Variants in ULK3 observed in about 807,000 individuals in gnomAD.
The protein encoded by ULK3 is unc-51 like kinase 3, also known as serine/threonine-protein kinase ULK3.
ULK3 carries 54 observed loss-of-function variants against 69.4 expected under a neutral mutation model. That is an observed-to-expected ratio of 0.78 (90% CI 0.63 to 0.98). ULK3 has a LOEUF of 0.98. Among genes scored for constraint, ULK3 ranks in the 50% least tolerant of loss-of-function variants. The pLI, the probability that ULK3 is intolerant of heterozygous loss-of-function variation, is 0.00. For synonymous variants in ULK3, 240 were observed against 254.5 expected (o/e 0.94, Z 0.54); for missense variants, 558 against 627.7 (o/e 0.89, Z 1.19).
In ULK3 at chr15:74,839,113, T is replaced by C. The variant is rs181173260; in HGVS notation, c.959-63A>G. On this transcript the variant is annotated intron_variant, in intron 8 of 15. Coordinates refer to ENST00000440863, the MANE Select transcript of ULK3 (RefSeq NM_001099436.4). Reference sequence around the variant, plus strand: ...CCCCTCCCTGCCCCACAACGAACCCTCTGGAATCCCTCAAAACACAATATT... The same window carrying C: ...CCCCTCCCTGCCCCACAACGAACCCCCTGGAATCCCTCAAAACACAATATT... 1.9e-6 allele frequency: 3 copies of C among 1,561,540 alleles called. No individual in the cohort carries two copies. The South Asian group carries it at 3.5e-5, about 18-fold the overall frequency.
At chr15:74,840,195 T>G in intron 6 of ULK3, 39 bp downstream of exon 6, 2 of 1,574,988 alleles carry the variant, frequency 1.3e-6, no homozygotes, top group Non-Finnish European at 1.7e-6. Context: ...CCTGACTCCC[T>G]CTGCCCCCCA....
chr15:74,842,316 A>T lies in ULK3; in HGVS notation c.207T>A (p.Ile69=). The change falls in exon 2 of 16, where the codon ATT becomes ATA. Residue 69 remains isoleucine, a synonymous_variant. Transcript: ENST00000440863. This position sits in a 1 kb window ranked among gnomAD's most constrained non-coding sequence, Gnocchi z 4.9. The part of the protein sequence containing the change: ...LLTEIEILKG[I]RHPHIVQLKD... ...TCAGCTGCACAATGTGGGGATGTCGAATGCCCTTGAGGATCTCAATCTCCG... is the reference window on the plus strand; with the variant it reads ...TCAGCTGCACAATGTGGGGATGTCGTATGCCCTTGAGGATCTCAATCTCCG... The T allele has an allele frequency of 6.2e-7, 1 of 1,613,978 alleles. No homozygotes were observed. The highest frequency in any genetic ancestry group is 8.5e-7 in the Non-Finnish European group (1 of 1,179,878).
rs770506398 is a variant in ULK3, at chr15:74,837,385, C to T, written c.1386G>A (p.Ser462=). The T allele has an allele frequency of 1.1e-5, 18 of 1,612,998 alleles. No individual in the cohort carries two copies. Among genetic ancestry groups the T allele is most frequent in the African/African-American group, 4.0e-5 (3 of 75,012 alleles). Residue 462 remains serine, a synonymous_variant, in exon 15 of 16, where the codon TCG becomes TCA. Transcript: ENST00000440863. ...AGGACTCACAGCTACGAACAGATTC[C>T]GACAGTCCCTCTTTGTCCAGGGTGT... ...EADTLDKEGL[S]ESVRSSCTLQ
At position 74,837,259 on chromosome 15, in the gene ULK3, G is replaced by A. The variant is rs772566656; in HGVS notation, c.1403-15C>T. 2 of 1,596,968 alleles carry A rather than the reference G, an allele frequency of 1.3e-6. No individual in the cohort carries two copies. The highest frequency in any genetic ancestry group is 1.7e-6 in the Non-Finnish European group (2 of 1,170,270). On this transcript the variant is annotated splice_polypyrimidine_tract_variant and intron_variant, in intron 15 of 15. Coordinates refer to ENST00000440863, the MANE Select transcript of ULK3 (RefSeq NM_001099436.4). ...AAGGGTGCAAGCTACGGGGGTGAGGGGGACAATGGGGGAGGGTCAGTCTCA... is the reference window on the plus strand; with the variant it reads ...AAGGGTGCAAGCTACGGGGGTGAGGAGGACAATGGGGGAGGGTCAGTCTCA...
Position 74,840,507 on chromosome 15 carries a change from T to A in ULK3, c.604A>T (p.Ile202Phe). 1 of 1,606,780 alleles carries A rather than the reference T, an allele frequency of 6.2e-7. No individual in the cohort carries two copies. Among genetic ancestry groups the A allele is most frequent in the Non-Finnish European group, 8.5e-7 (1 of 1,177,122 alleles). Residue 202 changes from isoleucine (I) to phenylalanine (F), a missense_variant, in exon 5 of 16, where the codon ATC (isoleucine) becomes TTC (phenylalanine). Ile to Phe is a conservative substitution (Grantham distance 21, BLOSUM62 0). Coordinates refer to ENST00000440863, the MANE Select transcript of ULK3 (RefSeq NM_001099436.4). ...ARVDLWSMGV[I>F]LYEALFGQPP... ...GGAAAAGAGGTCTCACCATACAGGA[T>A]GACCCCCATGGACCAGAGGTCCACG...
intron 9 of ULK3, 132 bp downstream of exon 9, chr15:74,838,878 G>C (rs1468383841): frequency 1.4e-6 from 2 of 1,414,646 alleles, no homozygotes; most frequent in African/African-American, 2.8e-5. Flanking sequence ...AATGTGGCTG[G>C]CCTGACCCAT....
rs1486409566 is a variant in ULK3, at chr15:74,842,575, G to T, written c.103-155C>A. On this transcript the variant is annotated intron_variant, in intron 1 of 15. Coordinates refer to ENST00000440863, the MANE Select transcript of ULK3 (RefSeq NM_001099436.4). This position sits in a 1 kb window ranked among gnomAD's most constrained non-coding sequence, Gnocchi z 4.9. Reference sequence around the variant, plus strand: ...ACCGGGCTTCCCAGCTTTCCCTTGTGAGGCCAGTGAGGAATGCTGATTCTG... The same window carrying T: ...ACCGGGCTTCCCAGCTTTCCCTTGTTAGGCCAGTGAGGAATGCTGATTCTG... 1.3e-6 allele frequency: 2 copies of T among 1,572,572 alleles called. No homozygotes were observed. The highest frequency in any genetic ancestry group is 1.3e-5 in the African/African-American group (1 of 74,206).
In ULK3 at chr15:74,842,696, C is replaced by G. The variant is rs781399477; in HGVS notation, c.103-276G>C. ...CATTCTGGAGTGCTCCCGGCAGAGG[C>G]ATGTCACTCAGGGTTCTAGAACCGC... On this transcript the variant is annotated intron_variant, in intron 1 of 15. Transcript: ENST00000440863. This position sits in a 1 kb window ranked among gnomAD's most constrained non-coding sequence, Gnocchi z 4.9. The G allele has an allele frequency of 7.8e-6, 12 of 1,533,970 alleles. No individual in the cohort carries two copies. Among genetic ancestry groups the G allele is most frequent in the Non-Finnish European group, 9.6e-6 (11 of 1,145,520 alleles).
Position 74,839,393 on chromosome 15 carries a change from G to A in ULK3, c.853-20C>T. The stretch of plus-strand genomic sequence containing the variant: ...GGCGGTCTGGGGATGGGCAGATCAG[G>A]GGTCAGGTCCACCTCCCTACCCTCC... On this transcript the variant is annotated intron_variant, in intron 7 of 15. Coordinates refer to ENST00000440863, the MANE Select transcript of ULK3 (RefSeq NM_001099436.4). 6.4e-7 allele frequency: 1 copy of A among 1,553,432 alleles called. No homozygotes were observed. The highest frequency in any genetic ancestry group is 8.7e-7 in the Non-Finnish European group (1 of 1,148,226).
In ULK3 at chr15:74,842,959, G is replaced by C; in HGVS notation, c.102+45C>G. On this transcript the variant is annotated intron_variant, in intron 1 of 15. Coordinates refer to ENST00000440863, the MANE Select transcript of ULK3 (RefSeq NM_001099436.4). This position sits in a 1 kb window ranked among gnomAD's most constrained non-coding sequence, Gnocchi z 4.9. ...CTCAGAGTCTCCCCGGCCGGCACCA[G>C]CCGAGCTAGCTCGGGCGGGCACGGG... The C allele has an allele frequency of 6.5e-7, 1 of 1,528,674 alleles. No homozygotes were observed. The highest frequency in any genetic ancestry group is 2.1e-5 in the Admixed American group (1 of 48,414). 94.7% of individuals were successfully genotyped at this position (1,528,674 alleles called of 1,614,324 possible).
chr15:74,838,855 A>G, intron 9 of ULK3, 110 bp from the exon 10 acceptor site: 1 of 1,399,870 alleles, frequency 7.1e-7, no homozygotes, highest in Non-Finnish European at 9.8e-7. Flanking sequence ...AGCTATAAAC[A>G]TGTCAGGGGG....
chr15:74,842,374 C>G lies in ULK3; in HGVS notation c.149G>C (p.Ser50Thr). 6.2e-7 allele frequency: 1 copy of G among 1,614,030 alleles called. No individual in the cohort carries two copies. The change falls in exon 2 of 16, where the codon AGT (serine) becomes ACT (threonine). Residue 50 changes from serine to threonine, a missense_variant. Transcript: ENST00000440863. The surrounding 1 kb of genome is among the most constrained non-coding windows in gnomAD (Gnocchi z 4.9). ...GTTCTCCACCGATGCCTTGTTCAGA[C>G]TTTTCTTGGCTACACACTTTATGGC... ...VVAIKCVAKK[S>T]LNKASVENLL...
At position 74,838,657 on chromosome 15, in the gene ULK3, C is replaced by G; in HGVS notation, c.1088G>C (p.Arg363Pro). The stretch of plus-strand genomic sequence containing the variant: ...CCGGAGTCTACCTCTGAGCAGGTCT[C>G]GGGCAGAGGTCCCCTGCCTCAGCAG... ...QALLRQGTSA[R>P]DLLREMARDK... The change falls in exon 10 of 16, where the codon CGA becomes CCA. Residue 363 changes from arginine (R) to proline (P), a missense_variant. Physicochemically the swap from Arg to Pro is moderately radical, Grantham distance 103 (BLOSUM62 -2). Coordinates refer to ENST00000440863, the MANE Select transcript of ULK3 (RefSeq NM_001099436.4). 3 of 1,611,458 alleles carry G rather than the reference C, an allele frequency of 1.9e-6. No individual in the cohort carries two copies. The highest frequency in any genetic ancestry group is 2.5e-6 in the Non-Finnish European group (3 of 1,178,726).
chr15:74,840,397 A>G, intron 5 of ULK3, 81 bp from the exon 6 acceptor site: 1 of 1,568,490 alleles, frequency 6.4e-7, no homozygotes, highest in Non-Finnish European at 8.6e-7. Context: ...GCCCTGGGCC[A>G]GCAGTCAGTT....
chr15:74,837,737 C>A lies in ULK3; in HGVS notation c.1335+14G>T, dbSNP rs1202379870. On this transcript the variant is annotated intron_variant, in intron 14 of 15. Coordinates refer to ENST00000440863, the MANE Select transcript of ULK3 (RefSeq NM_001099436.4). ...CCACAGACCCTAGCCCCAGCGTGGC[C>A]CCCATGTGCCCACCTTGACCTGCTC... 2.5e-6 allele frequency: 4 copies of A among 1,591,444 alleles called. No individual in the cohort carries two copies. Among genetic ancestry groups the A allele is most frequent in the Non-Finnish European group, 3.4e-6 (4 of 1,168,334 alleles).
chr15:74,838,545 G>C (rs1030412514), intron 10 of ULK3, 41 bp from the exon 11 acceptor site: 5 of 1,566,050 alleles, frequency 3.2e-6, no homozygotes, highest in Non-Finnish European at 4.3e-6. Context: ...GAAGCAACCT[G>C]CCTGTTCGCT....
chr15:74,837,248 C>T lies in ULK3; in HGVS notation c.1403-4G>A, dbSNP rs746265450. 57 of 1,587,802 alleles carry T rather than the reference C, an allele frequency of 3.6e-5. No homozygotes were observed. Among genetic ancestry groups the T allele is most frequent in the Non-Finnish European group, 4.6e-5 (54 of 1,165,778 alleles). ...TAGGGTCACTGAAGGGTGCAAGCTACGGGGGTGAGGGGGACAATGGGGGAG... is the reference window on the plus strand; with the variant it reads ...TAGGGTCACTGAAGGGTGCAAGCTATGGGGGTGAGGGGGACAATGGGGGAG... On this transcript the variant is annotated splice_region_variant and splice_polypyrimidine_tract_variant and intron_variant, in intron 15 of 15. Transcript: ENST00000440863.
chr15:74,841,292 CTCTT>C, intron 4 of ULK3, 109 bp downstream of exon 4: 1 of 819,698 alleles, frequency 1.2e-6, no homozygotes, highest in Non-Finnish European at 1.9e-6. Flanking sequence ...CGGCCTGTCA[CTCTT>C]TGAGGACTCT....
intron 7 of ULK3, 80 bp from the exon 8 acceptor site, chr15:74,839,453 G>A (rs979059327): frequency 6.5e-7 from 1 of 1,541,004 alleles, no homozygotes; most frequent in African/African-American, 1.4e-5. Flanking sequence ...GCTCCCCTGA[G>A]CCCGCCCTCT....
Sources: gnomAD v4.1 joint callset for allele counts on GRCh38, gnomAD v4.1.1 for gene constraint, Gnocchi (gnomAD v3.1) non-coding constraint, MANE v1.5 for transcripts, NCBI Gene and HGNC (gene_info 2026-07-23, HGNC 2026-07-21) for gene names.